CDKAL1: variants seen among roughly 807,000 people sequenced by gnomAD.
CDKAL1 encodes the protein CDKAL1 threonylcarbamoyladenosine tRNA methylthiotransferase, also known as threonylcarbamoyladenosine tRNA methylthiotransferase.
Under a neutral mutation model 68.2 loss-of-function variants are expected in CDKAL1, and 32 were observed. That is an observed-to-expected ratio of 0.47 (90% CI 0.35 to 0.63). CDKAL1 has a LOEUF of 0.63. Among genes scored for constraint, CDKAL1 ranks in the 30% least tolerant of loss-of-function variants. The pLI, the probability that CDKAL1 is intolerant of heterozygous loss-of-function variation, is 0.00. For synonymous variants in CDKAL1, 234 were observed against 244.3 expected, an observed-to-expected ratio of 0.96 and a Z score of 0.39; for missense variants, 606 against 696.7, an observed-to-expected ratio of 0.87 and a Z score of 1.47.
At chr6:20,989,968 C>T (rs938492193) in intron 10 of CDKAL1, among the ~76,000 whole-genome samples, 5 of 152,086 alleles carry the variant, frequency 3.3e-5, no homozygotes, top group Non-Finnish European at 7.3e-5. Flanking sequence ...ATAGGCTCGG[C>T]GTGGTGGTTC....
intron 4 of CDKAL1, among the ~76,000 whole-genome samples, chr6:20,581,188 T>G (rs564012173): frequency 1.8e-4 from 28 of 152,244 alleles, no homozygotes; most frequent in Non-Finnish European, 3.1e-4. Context: ...GATCATCTCT[T>G]TGCTTCCAAC....
chr6:20,660,688 A>G (rs1351818883), intron 5 of CDKAL1, among the ~76,000 whole-genome samples: 6 of 152,024 alleles, frequency 3.9e-5, no homozygotes, highest in African/African-American at 1.4e-4. Context: ...GTGGATAAAA[A>G]CCTGGTTAGT....
At chr6:21,062,105 A>G (rs1005977164) in intron 11 of CDKAL1, among the ~76,000 whole-genome samples, 1 of 152,210 alleles carries the variant, frequency 6.6e-6, no homozygotes, top group African/African-American at 2.4e-5. Context: ...GGGTTCAACC[A>G]TAATGTATCA....
At chr6:20,730,609 C>T (rs181060099) in intron 5 of CDKAL1, among the ~76,000 whole-genome samples, 38 of 152,156 alleles carry the variant, frequency 2.5e-4, no homozygotes, top group African/African-American at 7.0e-4. Flanking sequence ...CTTTGGGAGG[C>T]CGAGGCGGGC....
At chr6:21,003,824 G>T (rs1767585133) in intron 11 of CDKAL1, among the ~76,000 whole-genome samples, 1 of 152,096 alleles carries the variant, frequency 6.6e-6, no homozygotes. Context: ...CTATCATGTT[G>T]CCCTGATTTG....
At chr6:20,670,198 A>G (rs1209004537) in intron 5 of CDKAL1, among the ~76,000 whole-genome samples, 1 of 152,206 alleles carries the variant, frequency 6.6e-6, no homozygotes, top group Non-Finnish European at 1.5e-5. Context: ...ACTAACACAA[A>G]TATAATATTT....
intron 5 of CDKAL1, among the ~76,000 whole-genome samples, chr6:20,689,832 G>T (rs1344339485): frequency 6.6e-6 from 1 of 152,168 alleles, no homozygotes; most frequent in Non-Finnish European, 1.5e-5. Flanking sequence ...CCTGCAAAAA[G>T]AACATTTCAG....
At chr6:21,111,783 T>G (rs892605667) in intron 13 of CDKAL1, among the ~76,000 whole-genome samples, 9 of 152,220 alleles carry the variant, frequency 5.9e-5, no homozygotes, top group Non-Finnish European at 1.2e-4. Context: ...GTCCATTTCT[T>G]AAATTGTTTT....
At chr6:20,731,508 G>A (rs1205574949) in intron 5 of CDKAL1, among the ~76,000 whole-genome samples, 5 of 152,198 alleles carry the variant, frequency 3.3e-5, no homozygotes, top group African/African-American at 1.2e-4. Flanking sequence ...TGGAAGGATG[G>A]ACTTGCTGTT....
chr6:21,033,619 C>T (rs760185224), intron 11 of CDKAL1, among the ~76,000 whole-genome samples: 5 of 152,072 alleles, frequency 3.3e-5, no homozygotes, highest in Non-Finnish European at 7.4e-5. Context: ...AAAAGTGTTG[C>T]AAGAGAAGGC....
At chr6:20,993,958 A>T (rs560519542) in intron 10 of CDKAL1, among the ~76,000 whole-genome samples, 1 of 152,278 alleles carries the variant, frequency 6.6e-6, no homozygotes, top group East Asian at 1.9e-4. Flanking sequence ...ATTAAAACAC[A>T]TACTTTTTCC....
chr6:20,855,477 T>TTGCAGACA (rs1247803858), intron 9 of CDKAL1, among the ~76,000 whole-genome samples: 3 of 136,632 alleles, frequency 2.2e-5, no homozygotes, highest in Admixed American at 7.3e-5. Context: ...AAAAAAGAAC[T>TTGCAGACA]TGCAGACATG....
chr6:20,850,518 G>A (rs977065602), intron 9 of CDKAL1, among the ~76,000 whole-genome samples: 2 of 151,948 alleles, frequency 1.3e-5, no homozygotes, highest in African/African-American at 4.8e-5. Context: ...TTGGCTCACT[G>A]CAGCCTCCTC....
At chr6:20,540,714 C>T (rs1763358189) in intron 2 of CDKAL1, among the ~76,000 whole-genome samples, 1 of 152,208 alleles carries the variant, frequency 6.6e-6, no homozygotes, top group Admixed American at 6.5e-5. Context: ...CCTCAGCCTC[C>T]CAAAGTGTTG....
chr6:21,145,289 T>A (rs1490745319), intron 13 of CDKAL1, among the ~76,000 whole-genome samples: 1 of 152,244 alleles, frequency 6.6e-6, no homozygotes, highest in Non-Finnish European at 1.5e-5. Flanking sequence ...ATGTCTTCAT[T>A]TGCTGAGCTG....
intron 7 of CDKAL1, among the ~76,000 whole-genome samples, chr6:20,759,488 A>G (rs1177219087): frequency 6.6e-6 from 1 of 152,114 alleles, no homozygotes; most frequent in Non-Finnish European, 1.5e-5. Flanking sequence ...GCTGCAGTGA[A>G]CAGTGATTGC....
intron 8 of CDKAL1, among the ~76,000 whole-genome samples, chr6:20,796,159 G>A (rs1334129393): frequency 6.6e-6 from 1 of 152,090 alleles, no homozygotes; most frequent in Non-Finnish European, 1.5e-5. Flanking sequence ...AGTGAATATA[G>A]CAAGGATACA....
At chr6:20,567,936 C>T (rs934213585) in intron 4 of CDKAL1, among the ~76,000 whole-genome samples, 1 of 151,558 alleles carries the variant, frequency 6.6e-6, no homozygotes, top group Non-Finnish European at 1.5e-5. Context: ...AGTGCAGTGG[C>T]GCGATCTCGG....
intron 4 of CDKAL1, among the ~76,000 whole-genome samples, chr6:20,556,304 G>A (rs1764039974): frequency 6.6e-6 from 1 of 152,088 alleles, no homozygotes; most frequent in East Asian, 1.9e-4. Flanking sequence ...GGCAGAGGCT[G>A]CAGTGAGCTG....
Sources: allele counts gnomAD v4.1 joint callset (sites outside exome capture counted in the v4.1 genomes callset), GRCh38; gene constraint gnomAD v4.1.1; transcripts MANE v1.5; gene names NCBI Gene and HGNC (gene_info 2026-07-23, HGNC 2026-07-21).